Variants in GVQW3 observed in about 807,000 individuals in gnomAD.
GVQW3 encodes GVQW motif containing 3.
Under a neutral mutation model 12.5 loss-of-function variants are expected in GVQW3, and 7 were observed. The observed-to-expected ratio is 0.56, with a 90% CI of 0.32 to 1.05. The LOEUF is 1.05. GVQW3 is among the 50% of genes least tolerant of loss of function. The pLI, the probability that GVQW3 is intolerant of heterozygous loss-of-function variation, is 0.04. For missense variants in GVQW3, 188 were observed against 190.8 expected (o/e 0.99, Z 0.09); for synonymous variants, 71 against 67.2 (o/e 1.06, Z -0.28).
In GVQW3 at chr11:76,406,838, C is replaced by G. The variant is rs1310914445; in HGVS notation, c.*3080C>G. The G allele has an allele frequency of 2.6e-5, 4 of 152,084 alleles. No homozygotes were observed. The highest frequency in any genetic ancestry group is 5.9e-5 in the Non-Finnish European group (4 of 68,046). 9.4% of individuals were successfully genotyped at this position (152,084 alleles called of 1,614,324 possible). ...CCTGGCTAACACAGTGAAACCCCGTCTCTACCAAAAATACAAAAAATTAGC... is the reference window on the plus strand; with the variant it reads ...CCTGGCTAACACAGTGAAACCCCGTGTCTACCAAAAATACAAAAAATTAGC... On this transcript the variant is annotated 3_prime_UTR_variant, in exon 2 of 2. Transcript: ENST00000529331.
chr11:76,403,615 A>C (rs915399163), intron 1 of GVQW3, 45 bp from the exon 2 acceptor site: 2 of 446,810 alleles, frequency 4.5e-6, no homozygotes, highest in Non-Finnish European at 3.9e-6. Flanking sequence ...AACTACAAGC[A>C]TGTGCCACCA....
intron 1 of GVQW3, among the ~76,000 whole-genome samples, chr11:76,387,456 T>G (rs898181459): frequency 1.5e-4 from 23 of 152,066 alleles, no homozygotes; most frequent in African/African-American, 5.6e-4. Flanking sequence ...ATTCTTAGCT[T>G]TTAGGCCATA....
exon 2 of GVQW3, chr11:76,413,245 T>C (rs1947093698): frequency 6.6e-6 from 1 of 152,190 alleles, no homozygotes; most frequent in African/African-American, 2.4e-5. Context: ...CATACAAGGC[T>C]ACTTATTGCC....
downstream of GVQW3, chr11:76,411,041 CTG>C (rs1320950362): frequency 1.3e-5 from 2 of 152,240 alleles, no homozygotes; most frequent in African/African-American, 4.8e-5. Flanking sequence ...TGGAAGCACT[CTG>C]GTGCTGCTCC....
chr11:76,393,588 T>A (rs1220311914), intron 1 of GVQW3, among the ~76,000 whole-genome samples: 1 of 152,144 alleles, frequency 6.6e-6, no homozygotes, highest in Non-Finnish European at 1.5e-5. Flanking sequence ...GCCATCCACC[T>A]GGGAAACTCC....
intron 1 of GVQW3, among the ~76,000 whole-genome samples, chr11:76,399,857 T>C (rs989026192): frequency 1.4e-4 from 22 of 152,112 alleles, no homozygotes; most frequent in Admixed American, 1.1e-3. Context: ...CTCCTTTTCC[T>C]CAGGCCTCTG....
chr11:76,382,513 C>T (rs552894414), intron 1 of GVQW3: 20 of 612,722 alleles, frequency 3.3e-5, no homozygotes, highest in African/African-American at 7.4e-5. Context: ...CACTGTTAGG[C>T]ACCTTCTTTG....
At chr11:76,390,772 G>A (rs1034323514) in intron 1 of GVQW3, among the ~76,000 whole-genome samples, 2 of 151,970 alleles carry the variant, frequency 1.3e-5, no homozygotes, top group African/African-American at 4.8e-5. Flanking sequence ...GCTTGCAGTG[G>A]GCTGAGATTG....
At chr11:76,414,493 CT>C (rs1947102099) in exon 2 of GVQW3, 1 of 152,128 alleles carries the variant, frequency 6.6e-6, no homozygotes, top group Admixed American at 6.6e-5. Flanking sequence ...CTCTCTCACT[CT>C]TTGCACCAGG....
chr11:76,410,202 C>G (rs1032318673), downstream of GVQW3, among the ~76,000 whole-genome samples: 3 of 152,224 alleles, frequency 2.0e-5, no homozygotes, highest in Non-Finnish European at 2.9e-5. Flanking sequence ...CTGCAGTAAG[C>G]TGTGATTACA....
chr11:76,401,194 T>C (rs911392249), intron 1 of GVQW3, among the ~76,000 whole-genome samples: 8 of 151,992 alleles, frequency 5.3e-5, no homozygotes, highest in Non-Finnish European at 1.2e-4. Flanking sequence ...CTTTCTTATC[T>C]CTCTATTTTA....
At chr11:76,397,003 T>G (rs1390858645) in intron 1 of GVQW3, among the ~76,000 whole-genome samples, 2 of 30,576 alleles carry the variant, frequency 6.5e-5, no homozygotes, top group African/African-American at 1.8e-4. Flanking sequence ...CATTTATTCC[T>G]TTTTTTTTTT....
rs11353114 is a variant in GVQW3, at chr11:76,390,826, T to TA, written c.465+8549dup. On this transcript the variant is annotated intron_variant, in intron 1 of 1. Coordinates refer to ENST00000529331, the MANE Select transcript of GVQW3 (RefSeq NM_001347885.2). The stretch of plus-strand genomic sequence containing the variant: ...TGGGTGACAGAGCAAGACTCCGTCT[T>TA]AAAAAAAAAAAAAAAAGATAAATTA... Among the ~76,000 whole-genome samples, 594 of 142,612 alleles carry TA rather than the reference T, an allele frequency of 4.2e-3. 3 individuals carry two copies. The highest frequency in any genetic ancestry group is 0.01 in the African/African-American group (395 of 38,362). 93.6% of individuals were successfully genotyped at this position (142,612 alleles called of 152,430 possible).
At position 76,382,041 on chromosome 11, in the gene GVQW3, A is replaced by G; in HGVS notation, c.213A>G (p.Thr71=). ...GTGGGCGTCCAGTCACCCACCGAACAGATGACAATATCCAGAAGGTCAAGG... is the reference window on the plus strand; with the variant it reads ...GTGGGCGTCCAGTCACCCACCGAACGGATGACAATATCCAGAAGGTCAAGG... ...ARSGRPVTHR[T]DDNIQKVKDL... Residue 71 remains threonine, a synonymous_variant, in exon 1 of 2, where the codon ACA becomes ACG. Transcript: ENST00000529331. The G allele has an allele frequency of 6.5e-7, 1 of 1,536,602 alleles. No individual in the cohort carries two copies. Among genetic ancestry groups the G allele is most frequent in the Non-Finnish European group, 8.7e-7 (1 of 1,147,008 alleles).
intron 1 of GVQW3, among the ~76,000 whole-genome samples, chr11:76,400,639 T>C (rs58882982): frequency 0.39 from 59,351 of 151,648 alleles, 12,474 homozygotes; most frequent in African/African-American, 0.52. Flanking sequence ...AGACTGGTCT[T>C]GAACTCCTGA....
intron 1 of GVQW3, among the ~76,000 whole-genome samples, chr11:76,403,350 A>AG (rs1947009351): frequency 6.6e-6 from 1 of 152,208 alleles, no homozygotes; most frequent in Non-Finnish European, 1.5e-5. Flanking sequence ...ATTTATTGTG[A>AG]TTATGGAGGC....
At chr11:76,395,375 T>C (rs1475536674) in intron 1 of GVQW3, among the ~76,000 whole-genome samples, 1 of 152,226 alleles carries the variant, frequency 6.6e-6, no homozygotes, top group Non-Finnish European at 1.5e-5. Flanking sequence ...TGTATGTTTG[T>C]TTTATATTTT....
chr11:76,402,185 C>T (rs1946996054), intron 1 of GVQW3, among the ~76,000 whole-genome samples: 1 of 152,172 alleles, frequency 6.6e-6, no homozygotes, highest in South Asian at 2.1e-4. Context: ...GTACCCTGTC[C>T]TGCCTTTGAG....
At chr11:76,397,219 G>A (rs532322182) in intron 1 of GVQW3, among the ~76,000 whole-genome samples, 1 of 151,880 alleles carries the variant, frequency 6.6e-6, no homozygotes, top group Non-Finnish European at 1.5e-5. Context: ...GGCCAGGATG[G>A]TCTCAATCTC....
Sources: allele counts gnomAD v4.1 joint callset (sites outside exome capture counted in the v4.1 genomes callset), GRCh38; gene constraint gnomAD v4.1.1; transcripts MANE v1.5; gene names NCBI Gene and HGNC (gene_info 2026-07-23, HGNC 2026-07-21).